STOML1: variants seen among roughly 807,000 people sequenced by gnomAD.
The protein encoded by STOML1 is stomatin like 1.
In STOML1, 27 loss-of-function variants were observed where a neutral mutation model predicts 35.7. The observed-to-expected ratio is 0.76, with a 90% CI of 0.56 to 1.04. The LOEUF (loss-of-function observed/expected upper bound fraction) is 1.04. STOML1 is among the 50% of genes least tolerant of loss of function. The probability of loss-of-function intolerance (pLI) is 0.00; values close to 1 mark genes in which losing one functional copy is unlikely to be tolerated. For missense variants in STOML1, 451 were observed against 527.1 expected (o/e 0.86, Z 1.41); for synonymous variants, 219 against 227.9 (o/e 0.96, Z 0.35).
chr15:73,992,336 C>T (rs2069310526), upstream of STOML1: 2 of 1,264,580 alleles, frequency 1.6e-6, no homozygotes, highest in Non-Finnish European at 2.0e-6. Context: ...CGCGCGGCCA[C>T]CCGCGGCGGC....
chr15:73,992,008 G>C (rs999175666), intron 1 of STOML1, 83 bp downstream of exon 1: 90 of 1,460,912 alleles, frequency 6.2e-5, no homozygotes, highest in Non-Finnish European at 7.7e-5. Context: ...CACCGGGCCG[G>C]CCGACTCCTC....
At chr15:73,992,331 G>A (rs1321679887), upstream of STOML1, 2 of 1,277,960 alleles carry the variant, frequency 1.6e-6, no homozygotes, top group Non-Finnish European at 2.0e-6. Context: ...TCACCCGCGC[G>A]GCCACCCGCG....
In STOML1 at chr15:73,988,439, A is replaced by T; in HGVS notation, c.594+160T>A. On this transcript the variant is annotated intron_variant, in intron 4 of 6. Coordinates refer to ENST00000541638, the MANE Select transcript of STOML1 (RefSeq NM_004809.5). The surrounding 1 kb of genome is among the most constrained non-coding windows in gnomAD (Gnocchi z 4.8). ...ACGCCCACCTGCCATTCCTCAACTC[A>T]TGGCCCCACCCAGGCACTGGCTCTT... 1 of 843,982 alleles carries T rather than the reference A, an allele frequency of 1.2e-6. No individual in the cohort carries two copies. The highest frequency in any genetic ancestry group is 2.7e-5 in the East Asian group (1 of 37,260). The allele number at this position is 843,982 out of a possible 1,614,324, so 52.3% of individuals were successfully genotyped here. A position where few individuals can be genotyped will look rare whatever the true frequency, so the allele number is the denominator to read the frequency against.
chr15:73,992,042 G>T (rs1417556510), intron 1 of STOML1, 49 bp downstream of exon 1: 2 of 1,514,600 alleles, frequency 1.3e-6, no homozygotes, highest in South Asian at 2.5e-5. Context: ...CGGGCCTGGG[G>T]GTTGCCGGCC....
rs1174087263 is a variant in STOML1 at position 73,980,871 on chromosome 15, CT to C, written c.*3065del. 2 of 151,106 alleles carry C rather than the reference CT, an allele frequency of 1.3e-5. No individual in the cohort carries two copies. Among genetic ancestry groups the C allele is most frequent in the East Asian group, 3.9e-4 (2 of 5,106 alleles). 9.4% of individuals were successfully genotyped at this position (151,106 alleles called of 1,614,324 possible). On this transcript the variant is annotated 3_prime_UTR_variant, in exon 7 of 7. Coordinates refer to ENST00000541638, the MANE Select transcript of STOML1 (RefSeq NM_004809.5). The stretch of plus-strand genomic sequence containing the variant: ...AGCCTGAGCAACATGGGGAGACATC[CT>C]TATCTCTACAAAAGAGATTTTAAAA...
intron 4 of STOML1, 106 bp from the exon 5 acceptor site, chr15:73,985,619 G>C: frequency 7.6e-7 from 1 of 1,317,088 alleles, no homozygotes; most frequent in Non-Finnish European, 1.0e-6. Flanking sequence ...GCACCACACC[G>C]CCCTTGAGAC....
In STOML1 at chr15:73,982,018, T is replaced by A. The variant is rs2068966177; in HGVS notation, c.*1919A>T. 1.3e-5 allele frequency: 2 copies of A among 152,314 alleles called. No homozygotes were observed. The highest frequency in any genetic ancestry group is 2.9e-5 in the Non-Finnish European group (2 of 68,100). The allele number at this position is 152,314 out of a possible 1,614,324, so 9.4% of individuals were successfully genotyped here. ...TTTCCCCTAAGTTGTGATCTCATTTTTCCTGTCTTCCCTACCCTCCAGCCC... is the reference window on the plus strand; with the variant it reads ...TTTCCCCTAAGTTGTGATCTCATTTATCCTGTCTTCCCTACCCTCCAGCCC... On this transcript the variant is annotated 3_prime_UTR_variant, in exon 7 of 7. Transcript: ENST00000541638.
rs898151159 is a variant in STOML1, at chr15:73,982,691, C to T, written c.*1246G>A. 2.6e-5 allele frequency: 4 copies of T among 152,504 alleles called. No homozygotes were observed. The highest frequency in any genetic ancestry group is 9.6e-5 in the African/African-American group (4 of 41,544). The allele number at this position is 152,504 out of a possible 1,614,324, so 9.4% of individuals were successfully genotyped here. On this transcript the variant is annotated 3_prime_UTR_variant, in exon 7 of 7. Coordinates refer to ENST00000541638, the MANE Select transcript of STOML1 (RefSeq NM_004809.5). ...CTTTGATTTTTGTGGTTTTGTTTTT[C>T]CCAGAAGTCTCTCCAAGGAGTAAGA...
Position 73,985,468 on chromosome 15 carries a change from G to A in STOML1, c.640C>T (p.Arg214Cys), listed in dbSNP as rs373693671. The change falls in exon 5 of 7, where the codon CGC becomes TGC. Residue 214 changes from arginine (R) to cysteine (C), a missense_variant. Physicochemically the swap from Arg to Cys is radical, Grantham distance 180 (BLOSUM62 -3). Transcript: ENST00000541638. ...VTRAWGLEVD[R>C]VELAVEAVLQ... ...ACGGCCTCCACTGCCAGCTCCACGC[G>A]GTCTACCTCCAGCCCCCAGGCCCTG... is the stretch of plus-strand genomic sequence containing the variant. 109 of 1,541,740 alleles carry A rather than the reference G, an allele frequency of 7.1e-5. No individual in the cohort carries two copies. Among genetic ancestry groups the A allele is most frequent in the African/African-American group, 3.8e-4 (27 of 71,322 alleles).
intron 1 of STOML1, chr15:73,991,852 T>C: frequency 1.6e-6 from 1 of 633,888 alleles, no homozygotes. Context: ...GGTGAGGTTT[T>C]GGAAGATAGG....
In STOML1 at chr15:73,982,238, GC is replaced by G. The variant is rs1381773883; in HGVS notation, c.*1698del. The G allele has an allele frequency of 2.0e-5, 3 of 152,490 alleles. No individual in the cohort carries two copies. 9.4% of individuals were successfully genotyped at this position (152,490 alleles called of 1,614,324 possible). On this transcript the variant is annotated 3_prime_UTR_variant, in exon 7 of 7. Transcript: ENST00000541638. ...ACACAATGTGGAATGGGTGCAGAGA[GC>G]CAGGCAAGGGCACAGAGGACAAGTC...
chr15:73,985,465 C>G lies in STOML1; in HGVS notation c.643G>C (p.Val215Leu). The G allele has an allele frequency of 1.3e-5, 20 of 1,542,774 alleles. No homozygotes were observed. Among genetic ancestry groups the G allele is most frequent in the Non-Finnish European group, 1.7e-5 (20 of 1,148,140 alleles). Residue 215 changes from valine (V) to leucine (L), a missense_variant, in exon 5 of 7, where the codon GTG (valine) becomes CTG (leucine). Physicochemically the swap from Val to Leu is conservative, Grantham distance 32. Transcript: ENST00000541638. ...AGCACGGCCTCCACTGCCAGCTCCA[C>G]GCGGTCTACCTCCAGCCCCCAGGCC... ...TRAWGLEVDR[V>L]ELAVEAVLQP...
In STOML1 at chr15:73,984,782, GC is replaced by G; in HGVS notation, c.879del (p.Leu294TyrfsTer2). ...RSSPKQPLAE[G>X]LLTALQPFLS... ...AGGAAGGGCTGTAGAGCAGTCAGTA[GC>G]CCCTCCGCCAGAGGCTGCTTCGGAC... On this transcript the variant is annotated frameshift_variant, in exon 6 of 7. Transcript: ENST00000541638. LOFTEE classifies it high-confidence loss of function. 1 of 1,614,124 alleles carries G rather than the reference GC, an allele frequency of 6.2e-7. No homozygotes were observed. The highest frequency in any genetic ancestry group is 8.5e-7 in the Non-Finnish European group (1 of 1,180,034).
chr15:73,984,153 G>C, intron 6 of STOML1, 23 bp from the exon 7 acceptor site: 1 of 1,600,240 alleles, frequency 6.2e-7, no homozygotes, highest in Non-Finnish European at 8.5e-7. Flanking sequence ...AGAAAACCGA[G>C]TGTCAGTAGG....
chr15:73,985,524 G>T lies in STOML1; in HGVS notation c.595-11C>A, dbSNP rs2069068982. ...ATCGTTGATCTCCAGCTGGAGGACA[G>T]TGTGAGGAGAAATGTAATTAATTCA... is the stretch of plus-strand genomic sequence containing the variant. On this transcript the variant is annotated splice_polypyrimidine_tract_variant and intron_variant, in intron 4 of 6. Transcript: ENST00000541638. 6.5e-7 allele frequency: 1 copy of T among 1,538,342 alleles called. No individual in the cohort carries two copies. The highest frequency in any genetic ancestry group is 1.2e-5 in the South Asian group (1 of 81,962).
rs760581873 is a variant in STOML1 at position 73,983,198 on chromosome 15, C to T, written c.*739G>A. The T allele has an allele frequency of 7.2e-5, 11 of 152,258 alleles. No homozygotes were observed. The highest frequency in any genetic ancestry group is 1.5e-4 in the Non-Finnish European group (10 of 68,076). The allele number at this position is 152,258 out of a possible 1,614,324, so 9.4% of individuals were successfully genotyped here. On this transcript the variant is annotated 3_prime_UTR_variant, in exon 7 of 7. Coordinates refer to ENST00000541638, the MANE Select transcript of STOML1 (RefSeq NM_004809.5). ...GCCCACCCCATGCCCCCAGGAGCCC[C>T]GCTTGGCTTCTTCTCTTTTATACAT...
intron 1 of STOML1, among the ~76,000 whole-genome samples, chr15:73,991,225 C>T (rs1488324372): frequency 1.3e-5 from 2 of 152,356 alleles, no homozygotes; most frequent in South Asian, 4.1e-4. Flanking sequence ...AAAGATGAGG[C>T]TTATCCAAGC....
Position 73,992,077 on chromosome 15 carries a change from A to G in STOML1, c.133+14T>C, listed in dbSNP as rs1422436763. On this transcript the variant is annotated intron_variant, in intron 1 of 6. Transcript: ENST00000541638. ...CGGTCCCCCCCGGCTCCGCCGTGCC[A>G]GGCGGCCACTCACCGGCCCCTGTCC... is the stretch of plus-strand genomic sequence containing the variant. The G allele has an allele frequency of 1.9e-6, 3 of 1,567,932 alleles. No homozygotes were observed. The highest frequency in any genetic ancestry group is 2.7e-5 in the African/African-American group (2 of 72,770).
Position 73,984,094 on chromosome 15 carries a change from A to G in STOML1, c.1040T>C (p.Ile347Thr). The change falls in exon 7 of 7, where the codon ATC becomes ACC. Residue 347 changes from isoleucine to threonine, a missense_variant. Coordinates refer to ENST00000541638, the MANE Select transcript of STOML1 (RefSeq NM_004809.5). ...GGCCATCTCCACCACCACATCAGGG[A>G]TGCCATCAGGCACCCCGTGTCCCAC... ...GRVGHGVPDG[I>T]PDVVVEMAEA... is the part of the protein sequence containing the mutation. 1 of 1,613,804 alleles carries G rather than the reference A, an allele frequency of 6.2e-7. No individual in the cohort carries two copies. Among genetic ancestry groups the G allele is most frequent in the Non-Finnish European group, 8.5e-7 (1 of 1,179,852 alleles).
Sources: allele counts gnomAD v4.1 joint callset (sites outside exome capture counted in the v4.1 genomes callset), GRCh38; gene constraint gnomAD v4.1.1; non-coding constraint Gnocchi (gnomAD v3.1); transcripts MANE v1.5; gene names NCBI Gene and HGNC (gene_info 2026-07-23, HGNC 2026-07-21).